The following FTCD variants were observed in gnomAD, a reference collection of about 807,000 sequenced individuals.
FTCD encodes the protein formimidoyltransferase-cyclodeaminase.
In FTCD, 76 loss-of-function variants were observed where a neutral mutation model predicts 62.9. The observed-to-expected ratio is 1.21, with a 90% CI of 1.00 to 1.46. The LOEUF (loss-of-function observed/expected upper bound fraction) is 1.46, where lower values mean the gene tolerates loss of function less well. Ranked by LOEUF, FTCD falls within the 40% of genes most tolerant of loss-of-function variation. FTCD has a pLI of 0.00. For synonymous variants in FTCD, 397 were observed against 336.9 expected, an observed-to-expected ratio of 1.18 and a Z score of -1.95; for missense variants, 845 against 751.3, an observed-to-expected ratio of 1.12 and a Z score of -1.46.
chr21:46,137,133 C>A lies in FTCD; in HGVS notation c.1540-60G>T, dbSNP rs1156604333. On this transcript the variant is annotated intron_variant, in intron 13 of 13. Coordinates refer to ENST00000397746, the MANE Select transcript of FTCD (RefSeq NM_206965.2). ...CCAGTCTTCAGCCCAGCTTGCTGGG[C>A]AGCAACCTCCGACCCCCACTGCCCA... is the stretch of plus-strand genomic sequence containing the variant. 3 of 1,606,270 alleles carry A rather than the reference C, an allele frequency of 1.9e-6. No homozygotes were observed. In the East Asian group the frequency reaches 6.7e-5, roughly 36 times the overall value.
chr21:46,154,341 C>A lies in FTCD; in HGVS notation c.55-9G>T. On this transcript the variant is annotated splice_polypyrimidine_tract_variant and intron_variant, in intron 1 of 13. Coordinates refer to ENST00000397746, the MANE Select transcript of FTCD (RefSeq NM_206965.2). ...GAGATGGCGTCGATCACCTGGGACA[C>A]AGGCCCGGCCCCCACACCTCAGTCT... 1.9e-6 allele frequency: 3 copies of A among 1,606,950 alleles called. No homozygotes were observed. The highest frequency in any genetic ancestry group is 2.5e-6 in the Non-Finnish European group (3 of 1,178,154).
chr21:46,154,376 AAAG>A lies in FTCD; in HGVS notation c.55-47_55-45del, dbSNP rs372912117. 13 of 1,577,356 alleles carry A rather than the reference AAAG, an allele frequency of 8.2e-6. No homozygotes were observed. The African/African-American group carries it at 1.6e-4, about 20-fold the overall frequency. On this transcript the variant is annotated intron_variant, in intron 1 of 13. Transcript: ENST00000397746. The stretch of plus-strand genomic sequence containing the variant: ...CCCCACACCTCAGTCTCCCCGTTTG[AAAG>A]AAGGAAAAGGAGCTTGGAGGTGGCT...
rs560329361 is a variant in FTCD, at chr21:46,137,738, C to T, written c.1444-404G>A. On this transcript the variant is annotated intron_variant, in intron 12 of 13. Transcript: ENST00000397746. ...TCTGGGACCAGATGCTGAAAAGAGG[C>T]GTCTTTCCTATAAAGAACCCGAAGA... Among the ~76,000 whole-genome samples the T allele has an allele frequency of 1.6e-4, 24 of 152,226 alleles. No individual in the cohort carries two copies. In the South Asian group the frequency reaches 2.5e-3, roughly 16 times the overall value.
rs1208719468 is a variant in FTCD, at chr21:46,145,895, G to A, written c.1021C>T (p.Arg341Cys). The A allele has an allele frequency of 4.1e-6, 6 of 1,478,556 alleles. No individual in the cohort carries two copies. The highest frequency in any genetic ancestry group is 2.2e-5 in the Admixed American group (1 of 44,800). 91.6% of individuals were successfully genotyped at this position (1,478,556 alleles called of 1,614,324 possible). A position where few individuals can be genotyped will look rare whatever the true frequency, so the allele number is the denominator to read the frequency against. The stretch of plus-strand genomic sequence containing the variant: ...GCACCCACCTCCCCCACGAAGGCGC[G>A]CAGGGACTTGCTGCCCAGGCCTCGC... ...PERGLGSKSL[R>C]AFVGEVGARS... The change falls in exon 9 of 14, where the codon CGC becomes TGC. Residue 341 changes from arginine (R) to cysteine (C), a missense_variant. Transcript: ENST00000397746.
chr21:46,152,932 C>G lies in FTCD; in HGVS notation c.342G>C (p.Arg114Ser). 1 of 1,567,160 alleles carries G rather than the reference C, an allele frequency of 6.4e-7. No homozygotes were observed. The highest frequency in any genetic ancestry group is 8.6e-7 in the Non-Finnish European group (1 of 1,156,280). The change falls in exon 3 of 14, where the codon AGG becomes AGC. Residue 114 changes from arginine to serine, a missense_variant. Transcript: ENST00000397746. ...CTGGCACGTCCAGCTCCTCTGCCAG[C>G]CTCTGGCCAAAGGCCTGGGCGCAGA... ...CVLCAQAFGQ[R>S]LAEELDVPVY...
chr21:46,152,095 C>T (rs1017060228), intron 3 of FTCD, 115 bp from the exon 4 acceptor site: 46 of 713,282 alleles, frequency 6.4e-5, no homozygotes, highest in Non-Finnish European at 1.0e-4. Flanking sequence ...GCCTCTACTG[C>T]ACCCTCTCCT....
chr21:46,154,830 G>A (rs907574529), intron 1 of FTCD, among the ~76,000 whole-genome samples: 3 of 152,352 alleles, frequency 2.0e-5, no homozygotes, highest in South Asian at 4.1e-4. Flanking sequence ...CTGGAATCCC[G>A]GCATGACGAG....
chr21:46,150,095 CCCTT>C lies in FTCD; in HGVS notation c.906+20_906+23del. 1 of 1,600,438 alleles carries C rather than the reference CCCTT, an allele frequency of 6.2e-7. No individual in the cohort carries two copies. On this transcript the variant is annotated intron_variant, in intron 7 of 13. Coordinates refer to ENST00000397746, the MANE Select transcript of FTCD (RefSeq NM_206965.2). ...ACCCTCCCTGCACGCCCCTGTCCGA[CCCTT>C]CCTCGGCAGCCCGGCCCACCAGCCT...
At chr21:46,136,520 C>T (rs752319955), downstream of FTCD, 34 of 1,611,302 alleles carry the variant, frequency 2.1e-5, no homozygotes, top group Non-Finnish European at 2.8e-5. Context: ...AACCAGGGCC[C>T]CTTTCCCTCA....
Position 46,155,484 on chromosome 21 carries a change from C to T in FTCD, c.40G>A (p.Gly14Arg). Residue 14 changes from glycine to arginine, a missense_variant, in exon 1 of 14, where the codon GGG becomes AGG. By Grantham distance (125) the Gly-to-Arg change is moderately radical. Transcript: ENST00000397746. Reference sequence around the variant, plus strand: ...TCGGGCCTCACCTCCTGGTTCTTCCCCTCCGAAAAGTTGGGGACGCATTCC... The same window carrying T: ...TCGGGCCTCACCTCCTGGTTCTTCCTCTCCGAAAAGTTGGGGACGCATTCC... ...LVECVPNFSE[G>R]KNQEVIDAIS... is the part of the protein sequence containing the mutation. 1 of 1,612,984 alleles carries T rather than the reference C, an allele frequency of 6.2e-7. No individual in the cohort carries two copies. Among genetic ancestry groups the T allele is most frequent in the Non-Finnish European group, 8.5e-7 (1 of 1,179,860 alleles).
intron 3 of FTCD, chr21:46,152,438 G>C (rs1420161470): frequency 5.0e-6 from 1 of 201,932 alleles, no homozygotes; most frequent in Non-Finnish European, 1.0e-5. Flanking sequence ...CGTGTGCCCT[G>C]CATGCCGGCG....
intron 10 of FTCD, among the ~76,000 whole-genome samples, chr21:46,139,344 C>A (rs1408588367): frequency 6.6e-6 from 1 of 152,204 alleles, no homozygotes; most frequent in African/African-American, 2.4e-5. Context: ...GAGCAAACCT[C>A]AAAGCCCCTC....
At chr21:46,137,203 C>T (rs772483882) in intron 13 of FTCD, 36 bp downstream of exon 13, 109 of 1,582,926 alleles carry the variant, frequency 6.9e-5, no homozygotes, top group African/African-American at 9.4e-5. Context: ...CAGGCCCCCA[C>T]GTGGGGTCCG....
At chr21:46,140,980 G>A (rs1165548614) in intron 10 of FTCD, among the ~76,000 whole-genome samples, 1 of 152,056 alleles carries the variant, frequency 6.6e-6, no homozygotes, top group Non-Finnish European at 1.5e-5. Flanking sequence ...CTGATGCCTA[G>A]CACAGTCTCA....
At chr21:46,151,195 G>A (rs2079264316) in intron 5 of FTCD, among the ~76,000 whole-genome samples, 1 of 152,102 alleles carries the variant, frequency 6.6e-6, no homozygotes, top group African/African-American at 2.4e-5. Flanking sequence ...TTGTAGGGGT[G>A]TCGGGGCTCC....
At chr21:46,153,462 C>T (rs1291777013) in intron 2 of FTCD, among the ~76,000 whole-genome samples, 2 of 152,198 alleles carry the variant, frequency 1.3e-5, no homozygotes, top group Non-Finnish European at 2.9e-5. Context: ...CCCCAACCCC[C>T]TCCCCTGAAG....
In FTCD at chr21:46,145,412, C is replaced by A; in HGVS notation, c.1260+5G>T. ...CCGGGGAGCCCTGCTGTGGCCGCCA[C>A]TCACCAGGTAGGCGGTGAAGGCCTC... is the stretch of plus-strand genomic sequence containing the variant. On this transcript the variant is annotated splice_donor_5th_base_variant and intron_variant, in intron 10 of 13. Transcript: ENST00000397746. 6.5e-7 allele frequency: 1 copy of A among 1,544,178 alleles called. No homozygotes were observed.
chr21:46,137,809 G>A (rs965808444), intron 12 of FTCD, among the ~76,000 whole-genome samples: 4 of 150,736 alleles, frequency 2.7e-5, no homozygotes, highest in Non-Finnish European at 5.9e-5. Flanking sequence ...GCCCATGAGA[G>A]AGACGCTCCT....
rs149596485 is a variant in FTCD at position 46,151,941 on chromosome 21, C to T, written c.407G>A (p.Arg136Gln). Residue 136 changes from arginine to glutamine, a missense_variant, in exon 4 of 14, where the codon CGG becomes CAG. Coordinates refer to ENST00000397746, the MANE Select transcript of FTCD (RefSeq NM_206965.2). ...CCCGGCCCGGATGGCCGGCAGGGTC[C>T]GGCGACTGTCCATCCTGGCTGCCTC... is the stretch of plus-strand genomic sequence containing the variant. The part of the protein sequence containing the change: ...YGEAARMDSR[R>Q]TLPAIRAGEY... 1,189 of 1,572,782 alleles carry T rather than the reference C, an allele frequency of 7.6e-4. 8 individuals are homozygous for T. In the African/African-American group the frequency reaches 0.011, roughly 15 times the overall value.
Sources: allele counts gnomAD v4.1 joint callset (sites outside exome capture counted in the v4.1 genomes callset), GRCh38; gene constraint gnomAD v4.1.1; transcripts MANE v1.5; gene names NCBI Gene and HGNC (gene_info 2026-07-23, HGNC 2026-07-21).